MCF2L: variants seen among roughly 807,000 people sequenced by gnomAD.
MCF2L encodes the protein guanine nucleotide exchange factor DBS.
Under a neutral mutation model 153.4 loss-of-function variants are expected in MCF2L, and 97 were observed. The observed-to-expected ratio is 0.63, with a 90% confidence interval of 0.54 to 0.75. The LOEUF (loss-of-function observed/expected upper bound fraction) is 0.75, where lower values mean the gene tolerates loss of function less well. Among genes scored for constraint, MCF2L ranks in the 30% least tolerant of loss-of-function variants. The probability of loss-of-function intolerance (pLI) is 0.00; values close to 1 mark genes in which losing one functional copy is unlikely to be tolerated. For missense variants in MCF2L, 1,347 were observed against 1,495.2 expected, an observed-to-expected ratio of 0.90 and a Z score of 1.64; for synonymous variants, 659 against 632.2, an observed-to-expected ratio of 1.04 and a Z score of -0.64.
chr13:113,053,965 G>A lies in MCF2L; in HGVS notation c.370-6628G>A, dbSNP rs775229890. 4.6e-5 allele frequency among the ~76,000 whole-genome samples: 7 copies of A among 152,126 alleles called. No individual in the cohort carries two copies. Among genetic ancestry groups the A allele is most frequent in the Non-Finnish European group, 8.8e-5 (6 of 68,026 alleles). ...CTCTTGATGGGAGCTCAGTTCACAC[G>A]GCTCCGAATCGGCGAAACGCAACCA... On this transcript the variant is annotated intron_variant, in intron 4 of 29. Coordinates refer to ENST00000535094, the MANE Select transcript of MCF2L (RefSeq NM_001112732.3). The surrounding 1 kb of genome is among the most constrained non-coding windows in gnomAD (Gnocchi z 4.4).
At chr13:113,049,868 C>T (rs9577443) in intron 4 of MCF2L, among the ~76,000 whole-genome samples, 73,076 of 152,044 alleles carry the variant, frequency 0.48, 17,784 homozygotes, top group African/African-American at 0.52. Context: ...TTTTTCTTTT[C>T]TGGATGCCTT....
chr13:112,927,263 G>A (rs565614296), intron 2 of MCF2L, among the ~76,000 whole-genome samples: 19 of 152,310 alleles, frequency 1.2e-4, no homozygotes, highest in African/African-American at 4.1e-4. Flanking sequence ...TGTCCCAAAA[G>A]TACTCTGGCA....
At chr13:112,924,133 C>T (rs2081380509) in intron 2 of MCF2L, among the ~76,000 whole-genome samples, 1 of 152,010 alleles carries the variant, frequency 6.6e-6, no homozygotes, top group Non-Finnish European at 1.5e-5. Context: ...AATACGCACA[C>T]ACATTATCCC....
chr13:112,985,543 T>C, intron 1 of MCF2L: 1 of 456,420 alleles, frequency 2.2e-6, no homozygotes. Context: ...CGAGGCGGCC[T>C]CTGGGTGAGG....
At chr13:112,905,529 G>T (rs946444336) in intron 2 of MCF2L, among the ~76,000 whole-genome samples, 1 of 152,172 alleles carries the variant, frequency 6.6e-6, no homozygotes, top group Non-Finnish European at 1.5e-5. Context: ...AAAGACGAGG[G>T]ATTTGAACAA....
At chr13:113,011,642 A>AC (rs2084117321) in intron 1 of MCF2L, among the ~76,000 whole-genome samples, 2 of 108,726 alleles carry the variant, frequency 1.8e-5, no homozygotes, top group Admixed American at 9.2e-5. Context: ...GACGGTGGAC[A>AC]GGCAGTGTGG....
chr13:113,061,695 T>TA (rs2031447276), intron 5 of MCF2L, among the ~76,000 whole-genome samples: 3 of 8,714 alleles, frequency 3.4e-4, no homozygotes, highest in African/African-American at 4.9e-4. Flanking sequence ...TCCCCTCCCC[T>TA]CCCCTCCCCC....
intron 1 of MCF2L, chr13:112,979,564 G>GCAC: frequency 1.3e-6 from 2 of 1,565,170 alleles, no homozygotes; most frequent in Non-Finnish European, 8.6e-7. Context: ...TCGCAGCAGA[G>GCAC]ACCCGAAGGC....
chr13:112,923,041 A>G (rs1339534256), intron 2 of MCF2L, among the ~76,000 whole-genome samples: 2 of 152,172 alleles, frequency 1.3e-5, no homozygotes, highest in Non-Finnish European at 2.9e-5. Flanking sequence ...TGTAACCTTT[A>G]TTTTAACAAT....
intron 9 of MCF2L, among the ~76,000 whole-genome samples, chr13:113,073,529 A>C (rs987439883): frequency 1.3e-5 from 2 of 152,206 alleles, no homozygotes; most frequent in Admixed American, 6.5e-5. Context: ...CCCCCTTGGC[A>C]CTGGGATGTC....
At chr13:112,980,420 G>T (rs2082367294) in intron 1 of MCF2L, among the ~76,000 whole-genome samples, 1 of 152,242 alleles carries the variant, frequency 6.6e-6, no homozygotes, top group African/African-American at 2.4e-5. Context: ...GTTGGCTGGG[G>T]CCAGCCCCCA....
At chr13:113,041,393 TG>T (rs1394543779) in intron 3 of MCF2L, among the ~76,000 whole-genome samples, 1 of 151,980 alleles carries the variant, frequency 6.6e-6, no homozygotes, top group Admixed American at 6.5e-5. Context: ...CCATGGGCCG[TG>T]GGGGGGCGGG....
intron 27 of MCF2L, chr13:113,095,967 G>T: frequency 2.4e-6 from 1 of 414,034 alleles, no homozygotes; most frequent in Non-Finnish European, 3.9e-6. Context: ...GGGCAGGACA[G>T]CTGCAGGGAG....
intron 1 of MCF2L, chr13:113,009,648 TC>T (rs1311218398): frequency 1.3e-5 from 2 of 152,376 alleles, no homozygotes; most frequent in Non-Finnish European, 2.9e-5. Context: ...TCCTGGGGTG[TC>T]CTTATCTGAA....
rs1254521224 is a variant in MCF2L at position 112,960,238 on chromosome 13, GTCT to G, written c.170-54523_170-54521del. ...CATCTGGTGAGGGCCCCTGAGCTGC[GTCT>G]TTCCAAGAGACGGCCTCACCCGGTG... is the stretch of plus-strand genomic sequence containing the variant. On this transcript the variant is annotated intron_variant, in intron 2 of 29. Transcript: ENST00000375608. The surrounding 1 kb of genome is among the most constrained non-coding windows in gnomAD (Gnocchi z 4.2). 2.0e-5 allele frequency among the ~76,000 whole-genome samples: 3 copies of G among 152,300 alleles called. No individual in the cohort carries two copies. Among genetic ancestry groups the G allele is most frequent in the Admixed American group, 2.0e-4 (3 of 15,304 alleles).
intron 7 of MCF2L, 87 bp downstream of exon 7, chr13:113,065,172 G>T (rs2032172054): frequency 6.6e-7 from 1 of 1,515,670 alleles, no homozygotes; most frequent in Non-Finnish European, 9.0e-7. Flanking sequence ...GCTGCGGGGG[G>T]TCTTTCGTCC....
chr13:112,969,425 G>C lies in MCF2L; in HGVS notation c.46G>C (p.Val16Leu). 6.4e-7 allele frequency: 1 copy of C among 1,550,470 alleles called. No homozygotes were observed. Among genetic ancestry groups the C allele is most frequent in the Admixed American group, 2.0e-5 (1 of 51,010 alleles). Residue 16 changes from valine to leucine, a missense_variant, in exon 1 of 30, where the codon GTG becomes CTG. Transcript: ENST00000535094. This position sits in a 1 kb window ranked among gnomAD's most constrained non-coding sequence, Gnocchi z 4.8. The part of the protein sequence containing the change: ...RTEEMALEEM[V>L]QRLNAVSKHT... Reference sequence around the variant, plus strand: ...TGAAGAGATGGCCTTGGAAGAAATGGTGCAGAGATTAAATGCGGTTTCCAA... The same window carrying C: ...TGAAGAGATGGCCTTGGAAGAAATGCTGCAGAGATTAAATGCGGTTTCCAA...
intron 2 of MCF2L, among the ~76,000 whole-genome samples, chr13:112,953,756 G>T (rs1406274729): frequency 6.6e-6 from 1 of 152,230 alleles, no homozygotes; most frequent in Non-Finnish European, 1.5e-5. Context: ...CCCAGGGGAA[G>T]TGCAGACCTG....
chr13:113,043,192 C>T (rs967419161), intron 3 of MCF2L: 1 of 152,260 alleles, frequency 6.6e-6, no homozygotes. Context: ...GCGGTGAGCC[C>T]CTCCCGCCCA....
Sources: allele counts gnomAD v4.1 joint callset (sites outside exome capture counted in the v4.1 genomes callset), GRCh38; gene constraint gnomAD v4.1.1; non-coding constraint Gnocchi (gnomAD v3.1); transcripts MANE v1.5; gene names NCBI Gene and HGNC (gene_info 2026-07-23, HGNC 2026-07-21).